The following JARID2 variants were observed in gnomAD, a reference collection of about 807,000 sequenced individuals.
JARID2 encodes jumonji and AT-rich interaction domain containing 2.
JARID2 carries 21 observed loss-of-function variants against 125.6 expected under a neutral mutation model. The observed-to-expected ratio is 0.17, with a 90% CI of 0.12 to 0.24. The LOEUF (loss-of-function observed/expected upper bound fraction) is 0.24, where lower values mean the gene tolerates loss of function less well. Among genes scored for constraint, JARID2 ranks in the 10% least tolerant of loss-of-function variants. The pLI is 1.00. For missense variants in JARID2, 1,303 were observed against 1,639.6 expected (o/e 0.79, Z 3.55); for synonymous variants, 736 against 661.6 (o/e 1.11, Z -1.73).
rs1277711312 is a variant in JARID2 at position 15,509,322 on chromosome 6, CT to C, written c.2846+869del. 6 of 985,338 alleles carry C rather than the reference CT, an allele frequency of 6.1e-6. No individual in the cohort carries two copies. The African/African-American group carries it at 8.7e-5, about 14-fold the overall frequency. 61.0% of individuals were successfully genotyped at this position (985,338 alleles called of 1,614,324 possible). ...TGCCATGCTGACTGTGTTTATTGCCCTAATGGGGTGATTAAACATTCTTTAT... is the reference window on the plus strand; with the variant it reads ...TGCCATGCTGACTGTGTTTATTGCCCAATGGGGTGATTAAACATTCTTTAT... On this transcript the variant is annotated intron_variant, in intron 12 of 17. Coordinates refer to ENST00000341776, the MANE Select transcript of JARID2 (RefSeq NM_004973.4).
At chr6:15,450,799 C>T (rs1481177834) in intron 3 of JARID2, among the ~76,000 whole-genome samples, 1 of 152,060 alleles carries the variant, frequency 6.6e-6, no homozygotes, top group East Asian at 1.9e-4. Context: ...AAAATATGTT[C>T]GTGTATTTAT....
chr6:15,496,343 A>T lies in JARID2; in HGVS notation c.1118A>T (p.His373Leu). The T allele has an allele frequency of 6.2e-7, 1 of 1,614,216 alleles. No homozygotes were observed. Among genetic ancestry groups the T allele is most frequent in the Non-Finnish European group, 8.5e-7 (1 of 1,180,036 alleles). The stretch of plus-strand genomic sequence containing the variant: ...CACAAGCCCAGTTCCGCTGTCAACC[A>T]CACAATCTCAGGGAAAACTGAAAGT... ...NHHKPSSAVN[H>L]TISGKTESSN... is the part of the protein sequence containing the mutation. Residue 373 changes from histidine to leucine, a missense_variant, in exon 7 of 18, where the codon CAC becomes CTC. By Grantham distance (99) the His-to-Leu change is moderately conservative. Transcript: ENST00000341776.
intron 3 of JARID2, among the ~76,000 whole-genome samples, chr6:15,415,568 GGACGGGGCTGCT>G (rs1766123638): frequency 1.4e-5 from 2 of 144,440 alleles, no homozygotes; most frequent in East Asian, 2.1e-4. Context: ...CTCACCTCCC[GGACGGGGCTGCT>G]GGCCGGGCGG....
chr6:15,351,331 C>T (rs896405017), intron 1 of JARID2, among the ~76,000 whole-genome samples: 3 of 152,094 alleles, frequency 2.0e-5, no homozygotes, highest in Admixed American at 6.6e-5. Context: ...GGGAGGATTC[C>T]GGTCAACCTC....
intron 1 of JARID2, among the ~76,000 whole-genome samples, chr6:15,258,979 C>T (rs1759773016): frequency 6.6e-6 from 1 of 152,198 alleles, no homozygotes; most frequent in Non-Finnish European, 1.5e-5. Context: ...GTGCTTAGCA[C>T]CTTTCCTTCT....
At chr6:15,457,633 C>T (rs1437082298) in intron 4 of JARID2, among the ~76,000 whole-genome samples, 6 of 147,648 alleles carry the variant, frequency 4.1e-5, no homozygotes, top group African/African-American at 2.5e-5. Context: ...TTCTCCAGTC[C>T]TCAATTATTA....
At chr6:15,413,008 G>GTTTTTGTTTTTTTTTTT (rs1765958811) in intron 3 of JARID2, among the ~76,000 whole-genome samples, 3 of 47,500 alleles carry the variant, frequency 6.3e-5, no homozygotes, top group South Asian at 6.6e-4. Context: ...TTGTGTTTTT[G>GTTTTTGTTTTTTTTTTT]TTTTTTTTTT....
rs760817551 is a variant in JARID2 at position 15,496,781 on chromosome 6, G to T, written c.1556G>T (p.Ser519Ile). The T allele has an allele frequency of 1.2e-6, 2 of 1,612,324 alleles. No individual in the cohort carries two copies. Among genetic ancestry groups the T allele is most frequent in the East Asian group, 4.5e-5 (2 of 44,858 alleles). Residue 519 changes from serine (S) to isoleucine (I), a missense_variant, in exon 7 of 18, where the codon AGC becomes ATC. Physicochemically the swap from Ser to Ile is moderately radical, Grantham distance 142. Transcript: ENST00000341776. ...AGACAAGCACATGGCAAGGCGGACA[G>T]CGCCTCCTGTGAAAATCGTTCTACC... Reference protein sequence around the residue: ...PGRQAHGKADSASCENRSTSQ... With the variant: ...PGRQAHGKADIASCENRSTSQ...
intron 5 of JARID2, among the ~76,000 whole-genome samples, chr6:15,477,009 G>A (rs1359743879): frequency 6.6e-6 from 1 of 152,188 alleles, no homozygotes; most frequent in Non-Finnish European, 1.5e-5. Context: ...AGCTGCATGT[G>A]TATCTTTTAA....
intron 3 of JARID2, among the ~76,000 whole-genome samples, chr6:15,451,099 G>T (rs1428048643): frequency 1.3e-5 from 2 of 152,180 alleles, no homozygotes; most frequent in Non-Finnish European, 2.9e-5. Flanking sequence ...GGAGGTGGAG[G>T]TTGCAGTGAG....
At chr6:15,255,490 G>C (rs1274782764) in intron 1 of JARID2, among the ~76,000 whole-genome samples, 1 of 152,140 alleles carries the variant, frequency 6.6e-6, no homozygotes. Context: ...TTGTCTACCT[G>C]GAGACCTGGT....
At chr6:15,419,443 G>A (rs1307714027) in intron 3 of JARID2, among the ~76,000 whole-genome samples, 1 of 152,142 alleles carries the variant, frequency 6.6e-6, no homozygotes, top group East Asian at 1.9e-4. Flanking sequence ...TATCTACGTA[G>A]TTGCCATTTT....
At chr6:15,452,220 T>C (rs1007154632) in intron 4 of JARID2, 45 bp downstream of exon 4, 19 of 1,605,860 alleles carry the variant, frequency 1.2e-5, no homozygotes, top group Non-Finnish European at 1.6e-5. Flanking sequence ...GGAATCTACA[T>C]GTAAGCCTGA....
At position 15,507,170 on chromosome 6, in the gene JARID2, G is replaced by A; in HGVS notation, c.2576G>A (p.Cys859Tyr). ...EYWRLVEEKD[C>Y]HVAVHCGKVD... ...TGGAGGCTAGTGGAAGAGAAGGACT[G>A]CCACGTGGCAGTGCACTGCGGCAAG... The change falls in exon 10 of 18, where the codon TGC (cysteine) becomes TAC (tyrosine). Residue 859 changes from cysteine (C) to tyrosine (Y), a missense_variant. Cys to Tyr is a radical substitution (Grantham distance 194). Coordinates refer to ENST00000341776, the MANE Select transcript of JARID2 (RefSeq NM_004973.4). The A allele has an allele frequency of 6.2e-7, 1 of 1,613,542 alleles. No homozygotes were observed. The highest frequency in any genetic ancestry group is 8.5e-7 in the Non-Finnish European group (1 of 1,179,408).
Position 15,500,969 on chromosome 6 carries a change from C to G in JARID2, c.2008C>G (p.Gln670Glu). 3 of 1,613,982 alleles carry G rather than the reference C, an allele frequency of 1.9e-6. No individual in the cohort carries two copies. Among genetic ancestry groups the G allele is most frequent in the Non-Finnish European group, 2.5e-6 (3 of 1,179,864 alleles). ...GATTAATGAGATGGGCGGCATGCAG[C>G]AAGTGACTGACCTCAAAAAATGGAA... ...RLINEMGGMQ[Q>E]VTDLKKWNKL... Residue 670 changes from glutamine (Q) to glutamate (E), a missense_variant, in exon 8 of 18, where the codon CAA becomes GAA. Around this residue, in one of 11 missense-constraint regions of JARID2, gnomAD observed 64 missense variants for 166.8 expected, o/e 0.38. Transcript: ENST00000341776.
Position 15,487,440 on chromosome 6 carries a change from C to A in JARID2, c.804C>A (p.Asn268Lys). ...GCCGCCGGGAGCAGGCTTCAGCTAACCACCCCGCAGCGGCCCCCTCCACGG... is the reference window on the plus strand; with the variant it reads ...GCCGCCGGGAGCAGGCTTCAGCTAAACACCCCGCAGCGGCCCCCTCCACGG... ...ADSRREQASA[N>K]HPAAAPSTGS... The change falls in exon 6 of 18, where the codon AAC becomes AAA. Residue 268 changes from asparagine to lysine, a missense_variant. Physicochemically the swap from Asn to Lys is moderately conservative, Grantham distance 94 (BLOSUM62 0). Coordinates refer to ENST00000341776, the MANE Select transcript of JARID2 (RefSeq NM_004973.4). 1 of 1,614,260 alleles carries A rather than the reference C, an allele frequency of 6.2e-7. No individual in the cohort carries two copies. Among genetic ancestry groups the A allele is most frequent in the Non-Finnish European group, 8.5e-7 (1 of 1,180,048 alleles).
chr6:15,473,045 T>C (rs1375497993), intron 5 of JARID2, among the ~76,000 whole-genome samples: 12 of 32,422 alleles, frequency 3.7e-4, no homozygotes, highest in African/African-American at 2.3e-3. Context: ...CAAATGTGAA[T>C]ACCCGTGTTA....
intron 3 of JARID2, among the ~76,000 whole-genome samples, chr6:15,416,690 G>A (rs917809720): frequency 7.1e-6 from 1 of 141,352 alleles, no homozygotes; most frequent in Non-Finnish European, 1.5e-5. Flanking sequence ...AAGAGAGGGA[G>A]AGGGAGACCG....
chr6:15,381,206 AAAATT>A (rs1158287078), intron 2 of JARID2, among the ~76,000 whole-genome samples: 1 of 151,372 alleles, frequency 6.6e-6, no homozygotes, highest in Non-Finnish European at 1.5e-5. Flanking sequence ...ACAAAAAAAA[AAAATT>A]AGCCGGGCGT....
Sources: gnomAD v4.1 joint callset for allele counts (sites outside exome capture counted in the v4.1 genomes callset) on GRCh38, gnomAD v4.1.1 for gene constraint, gnomAD v4.1.1 regional missense constraint, MANE v1.5 for transcripts, NCBI Gene and HGNC (gene_info 2026-07-23, HGNC 2026-07-21) for gene names.